Variants in RNF185 observed in about 807,000 individuals in gnomAD.
The protein encoded by RNF185 is E3 ubiquitin-protein ligase RNF185.
In RNF185, 13 loss-of-function variants were observed where a neutral mutation model predicts 24.9. The ratio of observed to expected loss-of-function variants is 0.52; its 90% CI spans 0.34 to 0.83. RNF185 has a LOEUF of 0.83. RNF185 is among the 40% of genes least tolerant of loss of function. The probability of loss-of-function intolerance (pLI) is 0.01; values close to 1 mark genes in which losing one functional copy is unlikely to be tolerated. For synonymous variants in RNF185, 79 were observed against 90.3 expected (o/e 0.88, Z 0.71); for missense variants, 184 against 244.7 (o/e 0.75, Z 1.65).
At chr22:31,167,459 ACTC>A (rs1330594535) in intron 1 of RNF185, among the ~76,000 whole-genome samples, 3 of 151,602 alleles carry the variant, frequency 2.0e-5, no homozygotes, top group Non-Finnish European at 4.4e-5. Context: ...TGAAGCAATA[ACTC>A]CTCATTCTCT....
intron 1 of RNF185, among the ~76,000 whole-genome samples, chr22:31,160,783 G>A (rs957853266): frequency 6.6e-6 from 1 of 152,098 alleles, no homozygotes; most frequent in African/African-American, 2.4e-5. Context: ...CTCTAAAACG[G>A]GGCAGTGTTT....
intron 2 of RNF185, among the ~76,000 whole-genome samples, chr22:31,190,733 A>G (rs2048148222): frequency 1.3e-5 from 2 of 151,384 alleles, no homozygotes; most frequent in South Asian, 4.2e-4. Context: ...CCTCCTATGT[A>G]GCTGGGATTA....
At chr22:31,178,900 A>T (rs2048008183) in intron 1 of RNF185, among the ~76,000 whole-genome samples, 1 of 152,246 alleles carries the variant, frequency 6.6e-6, no homozygotes, top group South Asian at 2.1e-4. Context: ...ATGTTAATAG[A>T]AAAACATAAG....
chr22:31,180,915 CTGTGTGTGTG>C (rs567264606), intron 1 of RNF185, among the ~76,000 whole-genome samples: 14 of 96,858 alleles, frequency 1.4e-4, no homozygotes, highest in Non-Finnish European at 2.4e-4. Context: ...CTCTCTCTCT[CTGTGTGTGTG>C]TGTGTGTGTG....
At chr22:31,169,617 G>A (rs1924156631) in intron 1 of RNF185, among the ~76,000 whole-genome samples, 1 of 152,140 alleles carries the variant, frequency 6.6e-6, no homozygotes, top group Non-Finnish European at 1.5e-5. Context: ...CGTGATCTCA[G>A]CTCACTGCAA....
rs770600047 is a variant in RNF185 at position 31,177,960 on chromosome 22, T to G, written c.-48-9087T>G. Among the ~76,000 whole-genome samples, 8 of 152,310 alleles carry G rather than the reference T, an allele frequency of 5.3e-5. No homozygotes were observed. The South Asian group carries it at 8.3e-4, about 16-fold the overall frequency. On this transcript the variant is annotated intron_variant, in intron 1 of 6. Transcript: ENST00000326132. ...GGGATATTCAACTCTCGTGTTCTCT[T>G]TCTTGCTCAATTCCTGTGAGGTGGG...
chr22:31,197,480 T>G (rs2048217301), intron 5 of RNF185, among the ~76,000 whole-genome samples: 1 of 152,192 alleles, frequency 6.6e-6, no homozygotes, highest in South Asian at 2.1e-4. Flanking sequence ...AATCCTTTGT[T>G]AGACATTAGC....
At position 31,192,722 on chromosome 22, in the gene RNF185, A is replaced by G. The variant is rs777946605; in HGVS notation, c.195+20A>G. Reference sequence around the variant, plus strand: ...CATCAGGTAAGATGCATTTCATTTTACTTTGTCTTTCATCAGCTCTGGTTG... The same window carrying G: ...CATCAGGTAAGATGCATTTCATTTTGCTTTGTCTTTCATCAGCTCTGGTTG... On this transcript the variant is annotated intron_variant, in intron 3 of 6. Transcript: ENST00000326132. 2 of 1,612,468 alleles carry G rather than the reference A, an allele frequency of 1.2e-6. No individual in the cohort carries two copies. Among genetic ancestry groups the G allele is most frequent in the African/African-American group, 1.3e-5 (1 of 74,784 alleles).
chr22:31,180,915 CTG>C lies in RNF185; in HGVS notation c.-48-6090_-48-6089del, dbSNP rs567264606. On this transcript the variant is annotated intron_variant, in intron 1 of 6. Transcript: ENST00000326132. ...TTTTCTAGGCATTTTCTCTCTCTCT[CTG>C]TGTGTGTGTGTGTGTGTGTGTGTGT... 2.1e-3 allele frequency among the ~76,000 whole-genome samples: 206 copies of C among 96,864 alleles called. 1 individual carries two copies. Among genetic ancestry groups the C allele is most frequent in the Non-Finnish European group, 3.1e-3 (166 of 53,228 alleles). The allele number at this position is 96,864 out of a possible 152,430, so 63.5% of individuals were successfully genotyped here.
intron 5 of RNF185, among the ~76,000 whole-genome samples, chr22:31,200,084 C>T (rs965813108): frequency 2.6e-5 from 4 of 152,192 alleles, no homozygotes; most frequent in Non-Finnish European, 4.4e-5. Context: ...AGGCCGGGCA[C>T]AGTGGCTCTG....
chr22:31,198,704 CTTTTTTTTTTTTTTTT>C (rs1196076379), intron 5 of RNF185, among the ~76,000 whole-genome samples: 4 of 69,656 alleles, frequency 5.7e-5, no homozygotes, highest in South Asian at 5.6e-4. Flanking sequence ...CTGCCACTTT[CTTTTTTTTTTTTTTTT>C]TTTTTTTTTT....
At chr22:31,165,351 A>G (rs1923855718) in intron 1 of RNF185, among the ~76,000 whole-genome samples, 1 of 152,068 alleles carries the variant, frequency 6.6e-6, no homozygotes, top group African/African-American at 2.4e-5. Context: ...CATTTCCTTA[A>G]TGGCTGATGA....
chr22:31,162,486 A>G (rs1011926674), intron 1 of RNF185, among the ~76,000 whole-genome samples: 2 of 152,202 alleles, frequency 1.3e-5, no homozygotes, highest in African/African-American at 2.4e-5. Flanking sequence ...GCCACATACC[A>G]TTATTCTTTC....
At chr22:31,198,892 C>A (rs1266480176) in intron 5 of RNF185, among the ~76,000 whole-genome samples, 1 of 149,394 alleles carries the variant, frequency 6.7e-6, no homozygotes, top group African/African-American at 2.5e-5. Context: ...GTCAGGAATT[C>A]GAGACCAGCC....
At chr22:31,162,365 C>T (rs1171130400) in intron 1 of RNF185, among the ~76,000 whole-genome samples, 1 of 152,082 alleles carries the variant, frequency 6.6e-6, no homozygotes, top group Admixed American at 6.6e-5. Flanking sequence ...CTAAAAGTTT[C>T]CTTTTAAAGA....
At chr22:31,168,594 C>T (rs1478388625) in intron 1 of RNF185, among the ~76,000 whole-genome samples, 1 of 152,146 alleles carries the variant, frequency 6.6e-6, no homozygotes, top group Non-Finnish European at 1.5e-5. Context: ...GGTAGAATTG[C>T]TGGATCATAT....
At chr22:31,202,523 GC>G (rs2048272482) in intron 6 of RNF185, among the ~76,000 whole-genome samples, 1 of 151,506 alleles carries the variant, frequency 6.6e-6, no homozygotes. Context: ...TTTCTTGACT[GC>G]CTGCCTGCCT....
chr22:31,193,282 A>G (rs1156528723), intron 3 of RNF185, among the ~76,000 whole-genome samples: 2 of 152,224 alleles, frequency 1.3e-5, no homozygotes, highest in African/African-American at 4.8e-5. Context: ...CCAGACTGCT[A>G]AAGCTTCAGA....
chr22:31,194,432 A>T (rs1423104614), intron 3 of RNF185, among the ~76,000 whole-genome samples: 3 of 152,260 alleles, frequency 2.0e-5, no homozygotes, highest in Admixed American at 2.0e-4. Context: ...GGAAAATGCT[A>T]TAAAAATGAG....
Sources: allele counts gnomAD v4.1 joint callset (sites outside exome capture counted in the v4.1 genomes callset), GRCh38; gene constraint gnomAD v4.1.1; transcripts MANE v1.5; gene names NCBI Gene and HGNC (gene_info 2026-07-23, HGNC 2026-07-21).